Variants in NCKAP5 observed in about 807,000 individuals in gnomAD.
NCKAP5 encodes the protein nck-associated protein 5.
A neutral mutation model predicts 167.0 loss-of-function variants in NCKAP5; 92 were observed. The ratio of observed to expected loss-of-function variants is 0.55; its 90% CI spans 0.47 to 0.66. The LOEUF is 0.66. Ranked by LOEUF, NCKAP5 falls within the 30% of genes least tolerant of loss-of-function variation. The pLI is 0.00. For synonymous variants in NCKAP5, 891 were observed against 877.4 expected (o/e 1.02, Z -0.27); for missense variants, 2,378 against 2,315.0 (o/e 1.03, Z -0.56).
At chr2:132,730,467 C>A (rs1574016995) in intron 17 of NCKAP5, among the ~76,000 whole-genome samples, 1 of 152,290 alleles carries the variant, frequency 6.6e-6, no homozygotes, top group African/African-American at 2.4e-5. Context: ...TGCACTCCAG[C>A]CTGGGCGACG....
chr2:132,927,670 C>T (rs963901248), intron 8 of NCKAP5, among the ~76,000 whole-genome samples: 27 of 151,768 alleles, frequency 1.8e-4, no homozygotes, highest in African/African-American at 6.3e-4. Flanking sequence ...ATTTGGTTCT[C>T]AGCTTGTTAT....
chr2:133,310,088 G>A (rs537733365), intron 3 of NCKAP5, among the ~76,000 whole-genome samples: 1 of 152,216 alleles, frequency 6.6e-6, no homozygotes, highest in South Asian at 2.1e-4. Flanking sequence ...TTTTAAGCGG[G>A]GGAGGGCATC....
chr2:133,529,214 AT>A lies in NCKAP5; in HGVS notation c.-61-11628del, dbSNP rs530330573. Among the ~76,000 whole-genome samples the A allele has an allele frequency of 1.9e-3, 286 of 152,328 alleles. 2 individuals are homozygous for A. The highest frequency in any genetic ancestry group is 6.5e-3 in the African/African-American group (269 of 41,576). ...AAAAGATATAAGCTATAACAAATGT[AT>A]ATAGAGTATAATATGAAAATTGTAT... On this transcript the variant is annotated intron_variant, in intron 2 of 19. Coordinates refer to ENST00000409261, the MANE Select transcript of NCKAP5 (RefSeq NM_207363.3).
At chr2:132,864,831 G>A (rs771812782) in intron 10 of NCKAP5, among the ~76,000 whole-genome samples, 1 of 152,178 alleles carries the variant, frequency 6.6e-6, no homozygotes, top group Non-Finnish European at 1.5e-5. Context: ...GGGAATACAT[G>A]GAATTGGGGC....
intron 5 of NCKAP5, among the ~76,000 whole-genome samples, chr2:133,134,725 C>T (rs1205199333): frequency 6.6e-6 from 1 of 152,208 alleles, no homozygotes; most frequent in African/African-American, 2.4e-5. Flanking sequence ...GAGCCATCCT[C>T]TGATTAAACC....
intron 3 of NCKAP5, among the ~76,000 whole-genome samples, chr2:133,403,813 C>T (rs1029802590): frequency 6.6e-6 from 1 of 152,112 alleles, no homozygotes. Flanking sequence ...TAAGTCTATC[C>T]TTATGCCATG....
At chr2:133,043,483 C>T (rs1010148952) in intron 6 of NCKAP5, among the ~76,000 whole-genome samples, 11 of 152,068 alleles carry the variant, frequency 7.2e-5, no homozygotes, top group Admixed American at 1.3e-4. Context: ...TCTTGGACCA[C>T]ACATAAAATA....
At chr2:132,920,475 G>A (rs1695229978) in intron 8 of NCKAP5, among the ~76,000 whole-genome samples, 1 of 150,560 alleles carries the variant, frequency 6.6e-6, no homozygotes, top group Non-Finnish European at 1.5e-5. Flanking sequence ...TTTTGTTGAT[G>A]GACTCTACCA....
chr2:133,187,647 C>T (rs713269), intron 5 of NCKAP5, among the ~76,000 whole-genome samples: 95,375 of 151,942 alleles, frequency 0.63, 31,755 homozygotes, highest in East Asian at 0.95. Context: ...AAAGAACATA[C>T]TTATGGATTG....
chr2:132,719,570 C>T (rs187961281), intron 19 of NCKAP5, among the ~76,000 whole-genome samples: 44 of 152,320 alleles, frequency 2.9e-4, no homozygotes, highest in Middle Eastern at 3.4e-3. Context: ...AGGGAGGGCA[C>T]TTCGGTGGCA....
At chr2:133,064,974 C>G (rs1417692579) in intron 6 of NCKAP5, among the ~76,000 whole-genome samples, 2 of 152,152 alleles carry the variant, frequency 1.3e-5, no homozygotes, top group Non-Finnish European at 2.9e-5. Context: ...TCTCAGTGTT[C>G]TAAGCATTGG....
the NCKAP5 span, among the ~76,000 whole-genome samples, chr2:133,593,708 G>A: frequency 7.3e-4 from 111 of 152,190 alleles, no homozygotes; most frequent in Admixed American, 5.2e-3. Context: ...TATGTATGAC[G>A]GTTTGATACA....
At chr2:133,025,401 G>T (rs77596046) in intron 6 of NCKAP5, among the ~76,000 whole-genome samples, 2,209 of 152,280 alleles carry the variant, frequency 0.015, 48 homozygotes, top group African/African-American at 0.05. Flanking sequence ...AGAAAACTAC[G>T]ATCATGTCAT....
At position 132,672,929 on chromosome 2, in the gene NCKAP5, T is replaced by A; in HGVS notation, c.*360A>T. The A allele has an allele frequency of 4.1e-6, 4 of 969,246 alleles. No individual in the cohort carries two copies. The highest frequency in any genetic ancestry group is 4.9e-6 in the Non-Finnish European group (4 of 815,684). 60.0% of individuals were successfully genotyped at this position (969,246 alleles called of 1,614,324 possible). A position where few individuals can be genotyped will look rare whatever the true frequency, so the allele number is the denominator to read the frequency against. On this transcript the variant is annotated 3_prime_UTR_variant, in exon 20 of 20. Coordinates refer to ENST00000409261, the MANE Select transcript of NCKAP5 (RefSeq NM_207363.3). ...AAGGAAGGCTCTGGTACTGCAATAG[T>A]TTATTGTTATCTCTATCAAGCGGTG... is the stretch of plus-strand genomic sequence containing the variant.
chr2:133,178,882 G>A (rs1268054203), intron 5 of NCKAP5, among the ~76,000 whole-genome samples: 2 of 150,146 alleles, frequency 1.3e-5, no homozygotes, highest in Non-Finnish European at 3.0e-5. Context: ...TAAACCAGCA[G>A]GGCCTAAGCA....
chr2:132,844,557 T>C (rs1199665329), intron 11 of NCKAP5, among the ~76,000 whole-genome samples: 1 of 152,222 alleles, frequency 6.6e-6, no homozygotes, highest in Admixed American at 6.5e-5. Context: ...TAACCTGTAT[T>C]GCTTTGCAAC....
chr2:133,014,473 C>A (rs2078266681), intron 6 of NCKAP5, among the ~76,000 whole-genome samples: 2 of 152,188 alleles, frequency 1.3e-5, no homozygotes, highest in South Asian at 4.1e-4. Flanking sequence ...TGATTCATCC[C>A]ATTCTCAGTT....
intron 1 of NCKAP5, among the ~76,000 whole-genome samples, chr2:133,559,498 G>GT (rs1256758353): frequency 1.3e-5 from 2 of 151,982 alleles, no homozygotes; most frequent in Non-Finnish European, 1.5e-5. Flanking sequence ...TTTTAAAATT[G>GT]TTTTTTTAGA....
intron 3 of NCKAP5, among the ~76,000 whole-genome samples, chr2:133,363,175 C>G (rs1685237696): frequency 6.6e-6 from 1 of 152,136 alleles, no homozygotes; most frequent in Non-Finnish European, 1.5e-5. Context: ...CTCTGCCTAA[C>G]AACTGTGCTG....
Sources: allele counts gnomAD v4.1 joint callset (sites outside exome capture counted in the v4.1 genomes callset), GRCh38; gene constraint gnomAD v4.1.1; transcripts MANE v1.5; gene names NCBI Gene and HGNC (gene_info 2026-07-23, HGNC 2026-07-21).